GRID2: variants seen among roughly 807,000 people sequenced by gnomAD.
GRID2 encodes the protein glutamate ionotropic receptor delta type subunit 2.
In GRID2, 33 loss-of-function variants were observed where a neutral mutation model predicts 114.8. The observed-to-expected ratio is 0.29, with a 90% CI of 0.22 to 0.38. GRID2 has a LOEUF of 0.38. Ranked by LOEUF, GRID2 falls within the 10% of genes least tolerant of loss-of-function variation. The probability of loss-of-function intolerance (pLI) is 1.00; values close to 1 mark genes in which losing one functional copy is unlikely to be tolerated. For missense variants in GRID2, 1,184 were observed against 1,257.7 expected (o/e 0.94, Z 0.89); for synonymous variants, 505 against 449.9 (o/e 1.12, Z -1.55).
intron 2 of GRID2, among the ~76,000 whole-genome samples, chr4:92,642,741 T>C (rs945195186): frequency 6.6e-6 from 1 of 151,828 alleles, no homozygotes; most frequent in African/African-American, 2.4e-5. Flanking sequence ...AAGGCCAATG[T>C]TGATAAGGAA....
intron 1 of GRID2, among the ~76,000 whole-genome samples, chr4:92,474,909 T>G (rs1181545444): frequency 6.7e-6 from 1 of 148,492 alleles, no homozygotes; most frequent in African/African-American, 2.5e-5. Flanking sequence ...AATTTGCAAT[T>G]TTTAAATTTT....
intron 1 of GRID2, among the ~76,000 whole-genome samples, chr4:92,400,023 A>T (rs960361710): frequency 1.3e-5 from 2 of 152,198 alleles, no homozygotes; most frequent in African/African-American, 4.8e-5. Flanking sequence ...TAATGAATAA[A>T]TACAGAGTCA....
chr4:92,580,304 C>G (rs542621256), intron 1 of GRID2, among the ~76,000 whole-genome samples: 1 of 150,186 alleles, frequency 6.7e-6, no homozygotes, highest in East Asian at 1.9e-4. Context: ...TTCATTGTTG[C>G]TAGTTAAATG....
intron 2 of GRID2, among the ~76,000 whole-genome samples, chr4:93,042,848 A>T (rs1725732718): frequency 6.6e-6 from 1 of 151,598 alleles, no homozygotes; most frequent in African/African-American, 2.4e-5. Flanking sequence ...ACTTTACTTC[A>T]CTAGATATTA....
At chr4:93,726,009 T>C (rs1578668695) in intron 14 of GRID2, among the ~76,000 whole-genome samples, 1 of 152,378 alleles carries the variant, frequency 6.6e-6, no homozygotes, top group East Asian at 1.9e-4. Context: ...TTGTCAATCT[T>C]TGGCTTTGGT....
intron 1 of GRID2, among the ~76,000 whole-genome samples, chr4:92,316,793 C>A (rs1308799039): frequency 2.6e-5 from 4 of 152,062 alleles, no homozygotes; most frequent in Non-Finnish European, 5.9e-5. Context: ...CAGAAAAAGA[C>A]ATAGAAATGG....
chr4:92,606,053 C>G (rs919264321), intron 2 of GRID2, among the ~76,000 whole-genome samples: 13 of 152,092 alleles, frequency 8.5e-5, no homozygotes, highest in African/African-American at 2.7e-4. Flanking sequence ...AAATAAATAC[C>G]AAAATTTGTT....
intron 1 of GRID2, among the ~76,000 whole-genome samples, chr4:92,345,669 CAG>C (rs1367247936): frequency 2.6e-5 from 4 of 152,152 alleles, no homozygotes; most frequent in African/African-American, 4.8e-5. Context: ...TGAAATTTCA[CAG>C]AGAATTTTTT....
chr4:93,794,823 C>T (rs1355750436), intron 1 of GRID2, among the ~76,000 whole-genome samples: 1 of 152,130 alleles, frequency 6.6e-6, no homozygotes, highest in Non-Finnish European at 1.5e-5. Flanking sequence ...TGTTGTTCTA[C>T]TAGGATATTC....
At chr4:92,965,930 C>G (rs1320957011) in intron 2 of GRID2, among the ~76,000 whole-genome samples, 3 of 151,826 alleles carry the variant, frequency 2.0e-5, no homozygotes, top group African/African-American at 7.3e-5. Flanking sequence ...TGACCAAATT[C>G]TTGTTCATTG....
chr4:92,900,472 G>C (rs1747485381), intron 2 of GRID2, among the ~76,000 whole-genome samples: 1 of 152,102 alleles, frequency 6.6e-6, no homozygotes, highest in Non-Finnish European at 1.5e-5. Flanking sequence ...CAATGATTTA[G>C]CTTCCTCTTA....
At chr4:92,759,065 TA>T (rs1173381062) in intron 2 of GRID2, among the ~76,000 whole-genome samples, 1 of 152,154 alleles carries the variant, frequency 6.6e-6, no homozygotes, top group Non-Finnish European at 1.5e-5. Context: ...CAAATAAAAG[TA>T]AACATTTTGA....
At chr4:93,328,276 G>A (rs1002268657) in intron 8 of GRID2, among the ~76,000 whole-genome samples, 3 of 57,564 alleles carry the variant, frequency 5.2e-5, no homozygotes, top group Non-Finnish European at 7.3e-5. Context: ...ATCTGCCCCT[G>A]TTTATCTCTG....
intron 14 of GRID2, among the ~76,000 whole-genome samples, chr4:93,683,781 A>G (rs1220042625): frequency 1.3e-5 from 2 of 151,998 alleles, no homozygotes; most frequent in African/African-American, 4.8e-5. Context: ...AGCTATCCAC[A>G]ATCTCTCTGT....
chr4:93,209,489 G>T (rs553137499), intron 5 of GRID2, among the ~76,000 whole-genome samples: 7 of 152,146 alleles, frequency 4.6e-5, no homozygotes, highest in African/African-American at 1.7e-4. Context: ...TCTTTATCCA[G>T]TGTACTGTTG....
intron 8 of GRID2, among the ~76,000 whole-genome samples, chr4:93,361,178 T>C (rs1761849338): frequency 6.6e-6 from 1 of 152,062 alleles, no homozygotes; most frequent in South Asian, 2.1e-4. Context: ...TTATAAGGTA[T>C]GATTATCATC....
chr4:93,118,177 C>T (rs1004872273), intron 4 of GRID2, among the ~76,000 whole-genome samples: 3 of 152,168 alleles, frequency 2.0e-5, no homozygotes, highest in Non-Finnish European at 4.4e-5. Flanking sequence ...ATCATTGCTA[C>T]CTCTGATCAA....
chr4:92,710,286 G>A (rs1735183679), intron 2 of GRID2, among the ~76,000 whole-genome samples: 1 of 151,998 alleles, frequency 6.6e-6, no homozygotes, highest in African/African-American at 2.4e-5. Context: ...GAAGAAAATA[G>A]TAAGTACTAA....
chr4:92,499,623 A>T (rs1486613707), intron 1 of GRID2, among the ~76,000 whole-genome samples: 1 of 152,030 alleles, frequency 6.6e-6, no homozygotes, highest in African/African-American at 2.4e-5. Context: ...TTATTTATTT[A>T]TTATTTTGAG....
Sources: gnomAD v4.1 joint callset for allele counts (sites outside exome capture counted in the v4.1 genomes callset) on GRCh38, gnomAD v4.1.1 for gene constraint, MANE v1.5 for transcripts, NCBI Gene and HGNC (gene_info 2026-07-23, HGNC 2026-07-21) for gene names.